The following NCKAP5 variants were observed in gnomAD, a reference collection of about 807,000 sequenced individuals.
NCKAP5 encodes the protein nck-associated protein 5.
Under a neutral mutation model 167.0 loss-of-function variants are expected in NCKAP5, and 92 were observed. The ratio of observed to expected loss-of-function variants is 0.55; its 90% CI spans 0.47 to 0.66. The LOEUF is 0.66. Ranked by LOEUF, NCKAP5 falls within the 30% of genes least tolerant of loss-of-function variation. NCKAP5 has a pLI of 0.00. For synonymous variants in NCKAP5, 891 were observed against 877.4 expected (o/e 1.02, Z -0.27); for missense variants, 2,378 against 2,315.0 (o/e 1.03, Z -0.56).
the NCKAP5 span, among the ~76,000 whole-genome samples, chr2:133,662,364 G>A: frequency 6.6e-6 from 1 of 151,692 alleles, no homozygotes; most frequent in African/African-American, 2.4e-5. Context: ...GTGTGTATAT[G>A]GCCTTTCTCC....
intron 5 of NCKAP5, among the ~76,000 whole-genome samples, chr2:133,181,651 G>A (rs2084744174): frequency 6.8e-6 from 1 of 147,728 alleles, no homozygotes; most frequent in Non-Finnish European, 1.5e-5. Flanking sequence ...GGTGGTTCAT[G>A]CCTGTAGTCC....
intron 3 of NCKAP5, among the ~76,000 whole-genome samples, chr2:133,455,420 T>C (rs765245770): frequency 3.9e-5 from 6 of 152,124 alleles, no homozygotes; most frequent in Non-Finnish European, 7.4e-5. Context: ...TTATTATTAC[T>C]CTACCTTCGC....
chr2:132,717,817 A>G (rs1438581968), intron 19 of NCKAP5, among the ~76,000 whole-genome samples: 1 of 152,222 alleles, frequency 6.6e-6, no homozygotes, highest in Non-Finnish European at 1.5e-5. Flanking sequence ...TCAGCTGAGT[A>G]TCATCAAGCG....
intron 19 of NCKAP5, 43 bp downstream of exon 19, chr2:132,725,584 A>G: frequency 6.3e-7 from 1 of 1,576,758 alleles, no homozygotes; most frequent in East Asian, 2.3e-5. Context: ...GCGGCTTCCC[A>G]GAGAGAGGAA....
intron 5 of NCKAP5, among the ~76,000 whole-genome samples, chr2:133,138,070 C>G (rs916759983): frequency 8.6e-5 from 13 of 151,972 alleles, no homozygotes; most frequent in African/African-American, 3.1e-4. Flanking sequence ...AAAGTTAGTC[C>G]TCTTTCCAAA....
At chr2:132,756,619 G>A (rs1680576722) in intron 16 of NCKAP5, among the ~76,000 whole-genome samples, 1 of 152,034 alleles carries the variant, frequency 6.6e-6, no homozygotes, top group Admixed American at 6.6e-5. Context: ...AAAAAATTTA[G>A]GTTGTATAGG....
At chr2:133,608,134 T>TA in the NCKAP5 span, among the ~76,000 whole-genome samples, 1 of 152,174 alleles carries the variant, frequency 6.6e-6, no homozygotes, top group Non-Finnish European at 1.5e-5. Flanking sequence ...ATGGAACTCT[T>TA]AAAAATATGG....
At chr2:132,685,569 G>T (rs1403069448) in intron 19 of NCKAP5, among the ~76,000 whole-genome samples, 2 of 152,124 alleles carry the variant, frequency 1.3e-5, no homozygotes, top group Non-Finnish European at 2.9e-5. Context: ...ACTGGGTAAT[G>T]CCGTCTCTCA....
chr2:133,370,589 C>A (rs921367092), intron 3 of NCKAP5, among the ~76,000 whole-genome samples: 2 of 151,988 alleles, frequency 1.3e-5, no homozygotes, highest in Non-Finnish European at 2.9e-5. Context: ...GAAAATAAGA[C>A]CCCTTTCAAA....
intron 3 of NCKAP5, among the ~76,000 whole-genome samples, chr2:133,336,209 T>G (rs1683197919): frequency 6.6e-6 from 1 of 152,176 alleles, no homozygotes; most frequent in Admixed American, 6.5e-5. Flanking sequence ...GTTAAACTCC[T>G]GACATATATG....
intron 8 of NCKAP5, among the ~76,000 whole-genome samples, chr2:132,901,710 A>G (rs1371759446): frequency 6.6e-6 from 1 of 152,256 alleles, no homozygotes; most frequent in Non-Finnish European, 1.5e-5. Context: ...TAACTTTTAA[A>G]GATGAAGATT....
At chr2:133,671,107 C>A in the NCKAP5 span, among the ~76,000 whole-genome samples, 7 of 146,574 alleles carry the variant, frequency 4.8e-5, no homozygotes, top group Non-Finnish European at 7.4e-5. Context: ...CCCAGCTACT[C>A]GGGAGGCTGA....
chr2:133,479,163 A>G (rs1680204461), intron 3 of NCKAP5, among the ~76,000 whole-genome samples: 2 of 152,176 alleles, frequency 1.3e-5, no homozygotes, highest in Non-Finnish European at 2.9e-5. Flanking sequence ...TCCAGTAAAA[A>G]CTAACTCTGG....
intron 3 of NCKAP5, among the ~76,000 whole-genome samples, chr2:133,496,013 CTG>C (rs1681914899): frequency 6.6e-6 from 1 of 152,142 alleles, no homozygotes; most frequent in South Asian, 2.1e-4. Flanking sequence ...TTTTAAACCA[CTG>C]TTTCAGTCAA....
chr2:133,299,788 G>A (rs1023932114), intron 4 of NCKAP5, among the ~76,000 whole-genome samples: 1 of 152,148 alleles, frequency 6.6e-6, no homozygotes, highest in Non-Finnish European at 1.5e-5. Context: ...GGGGCTTACT[G>A]AGGGTGGGTG....
the NCKAP5 span, among the ~76,000 whole-genome samples, chr2:133,574,204 G>C: frequency 6.6e-6 from 1 of 152,208 alleles, no homozygotes; most frequent in Non-Finnish European, 1.5e-5. Context: ...CGCCTGCCCT[G>C]AATGGTGTTG....
chr2:132,755,058 T>G (rs1680419276), intron 16 of NCKAP5, among the ~76,000 whole-genome samples: 1 of 152,256 alleles, frequency 6.6e-6, no homozygotes. Flanking sequence ...TGGCTGTGCC[T>G]TGAGGTTTGA....
At chr2:133,603,447 A>G in the NCKAP5 span, among the ~76,000 whole-genome samples, 1 of 150,956 alleles carries the variant, frequency 6.6e-6, no homozygotes, top group African/African-American at 2.4e-5. Context: ...CTGGTCTCAA[A>G]CTCCCCACCT....
At chr2:133,254,957 G>A (rs1462411335) in intron 4 of NCKAP5, among the ~76,000 whole-genome samples, 1 of 151,970 alleles carries the variant, frequency 6.6e-6, no homozygotes, top group Non-Finnish European at 1.5e-5. Flanking sequence ...TTTCAGTTAG[G>A]AGCCTGGAAC....
Sources: gnomAD v4.1 joint callset for allele counts (sites outside exome capture counted in the v4.1 genomes callset) on GRCh38, gnomAD v4.1.1 for gene constraint, MANE v1.5 for transcripts, NCBI Gene and HGNC (gene_info 2026-07-23, HGNC 2026-07-21) for gene names.